Variants in RXFP1 observed in about 807,000 individuals in gnomAD.
The protein encoded by RXFP1 is relaxin receptor 1.
RXFP1 carries 73 observed loss-of-function variants against 89.8 expected under a neutral mutation model. That is an observed-to-expected ratio of 0.81 (90% CI 0.67 to 0.99). The LOEUF is 0.99. RXFP1 is among the 50% of genes least tolerant of loss of function. The pLI is 0.00. For missense variants in RXFP1, 793 were observed against 895.5 expected, an observed-to-expected ratio of 0.89 and a Z score of 1.46; for synonymous variants, 277 against 305.5, an observed-to-expected ratio of 0.91 and a Z score of 0.97.
At chr4:158,619,357 T>C (rs896093120) in intron 9 of RXFP1, among the ~76,000 whole-genome samples, 11 of 152,180 alleles carry the variant, frequency 7.2e-5, no homozygotes, top group African/African-American at 2.4e-4. Flanking sequence ...AGTCATAAGG[T>C]AGCCAAATAA....
rs143426289 is a variant in RXFP1 at position 158,583,422 on chromosome 4, A to C, written c.188-9979A>C. On this transcript the variant is annotated intron_variant, in intron 2 of 17. Coordinates refer to ENST00000307765, the MANE Select transcript of RXFP1 (RefSeq NM_021634.4). ...AAAGTTGGTGGTTTGTCTTGTTTTC[A>C]AGTTAAAAACACAGAAGGATACACA... Among the ~76,000 whole-genome samples the C allele has an allele frequency of 5.9e-5, 9 of 152,346 alleles. No homozygotes were observed. In the East Asian group the frequency reaches 1.7e-3, roughly 29 times the overall value.
chr4:158,550,816 T>C (rs1749918430), intron 1 of RXFP1, among the ~76,000 whole-genome samples: 1 of 152,184 alleles, frequency 6.6e-6, no homozygotes, highest in African/African-American at 2.4e-5. Context: ...ACTTACTGGT[T>C]CCATGATATC....
intron 4 of RXFP1, 137 bp downstream of exon 4, chr4:158,599,568 T>G: frequency 1.5e-6 from 1 of 660,856 alleles, no homozygotes; most frequent in Non-Finnish European, 2.4e-6. Flanking sequence ...GGTATAATAA[T>G]TACTGATATT....
Position 158,590,449 on chromosome 4 carries a change from C to T in RXFP1, c.188-2952C>T, listed in dbSNP as rs1759216306. Among the ~76,000 whole-genome samples, 4 of 152,180 alleles carry T rather than the reference C, an allele frequency of 2.6e-5. 1 individual carries two copies. The South Asian group carries it at 8.3e-4, about 32-fold the overall frequency. On this transcript the variant is annotated intron_variant, in intron 2 of 17. Coordinates refer to ENST00000307765, the MANE Select transcript of RXFP1 (RefSeq NM_021634.4). ...TGTGGGGATTCCAAGCATGAGCCAC[C>T]GTGCCCAGCTGTTTCCTTTCTTTAA...
chr4:158,612,260 A>C, intron 7 of RXFP1, 31 bp from the exon 8 acceptor site: 2 of 1,604,946 alleles, frequency 1.2e-6, no homozygotes, highest in South Asian at 1.1e-5. Flanking sequence ...GAGATATATA[A>C]ATGAATTAAT....
rs753849941 is a variant in RXFP1, at chr4:158,626,821, G to T, written c.757G>T (p.Asp253Tyr). ...CQHMPRLHWL[D>Y]LEGNHIHNLR... ...TATCGTTTTATTTTTATGTTCCAGG[G>T]ACCTTGAAGGCAACCATATCCATAA... Residue 253 changes from aspartate to tyrosine, a missense_variant and splice_region_variant, in exon 10 of 18, where the codon GAC (aspartate) becomes TAC (tyrosine). Transcript: ENST00000307765. 1.3e-6 allele frequency: 2 copies of T among 1,552,460 alleles called. No homozygotes were observed. The highest frequency in any genetic ancestry group is 1.8e-6 in the Non-Finnish European group (2 of 1,139,592).
At chr4:158,554,732 A>G (rs1750901161) in intron 1 of RXFP1, among the ~76,000 whole-genome samples, 1 of 152,010 alleles carries the variant, frequency 6.6e-6, no homozygotes, top group Non-Finnish European at 1.5e-5. Flanking sequence ...AAAAAAAAAT[A>G]GGTGTATTGA....
At chr4:158,568,803 C>T (rs567918072) in intron 1 of RXFP1, among the ~76,000 whole-genome samples, 3 of 152,232 alleles carry the variant, frequency 2.0e-5, no homozygotes, top group Admixed American at 6.5e-5. Flanking sequence ...ATGTTAATTG[C>T]CCTGTTATTA....
chr4:158,577,569 A>G (rs982170553), intron 2 of RXFP1, among the ~76,000 whole-genome samples: 4 of 152,188 alleles, frequency 2.6e-5, no homozygotes, highest in African/African-American at 7.2e-5. Flanking sequence ...TTTTAATGAA[A>G]GAGTTTTTTC....
chr4:158,598,053 A>G (rs1468243064), intron 3 of RXFP1, among the ~76,000 whole-genome samples: 1 of 152,130 alleles, frequency 6.6e-6, no homozygotes, highest in Non-Finnish European at 1.5e-5. Context: ...ATGTCACCCC[A>G]TATCTGAGCC....
intron 12 of RXFP1, among the ~76,000 whole-genome samples, chr4:158,636,348 G>GAGATTAT (rs1033186424): frequency 3.3e-5 from 5 of 152,066 alleles, no homozygotes; most frequent in Non-Finnish European, 7.4e-5. Context: ...TTGACTAAAT[G>GAGATTAT]AGATTATTTT....
chr4:158,535,506 G>A (rs1745081042), intron 1 of RXFP1, among the ~76,000 whole-genome samples: 1 of 152,126 alleles, frequency 6.6e-6, no homozygotes, highest in East Asian at 1.9e-4. Context: ...TTTTCACAAG[G>A]AAGTAACTCA....
intron 8 of RXFP1, among the ~76,000 whole-genome samples, chr4:158,616,671 T>C (rs943007844): frequency 2.0e-5 from 3 of 149,550 alleles, no homozygotes; most frequent in African/African-American, 4.9e-5. Flanking sequence ...TAATTAAATA[T>C]AGTTAGATTA....
At chr4:158,539,835 A>C (rs897511246) in intron 1 of RXFP1, among the ~76,000 whole-genome samples, 4 of 152,180 alleles carry the variant, frequency 2.6e-5, no homozygotes, top group Admixed American at 1.3e-4. Flanking sequence ...ATGCCTTTGA[A>C]ATTGTCCTTT....
chr4:158,536,069 A>C (rs1745212297), intron 1 of RXFP1, among the ~76,000 whole-genome samples: 2 of 152,256 alleles, frequency 1.3e-5, no homozygotes, highest in African/African-American at 4.8e-5. Flanking sequence ...CTGGAAGTAC[A>C]TACAATCTGT....
At chr4:158,623,444 G>A (rs1382958067) in intron 9 of RXFP1, among the ~76,000 whole-genome samples, 1 of 137,866 alleles carries the variant, frequency 7.3e-6, no homozygotes, top group Non-Finnish European at 1.5e-5. Flanking sequence ...AGAAGTTGCA[G>A]TGAGCCGAGA....
chr4:158,570,835 T>A (rs943979496), intron 1 of RXFP1, among the ~76,000 whole-genome samples: 1 of 152,162 alleles, frequency 6.6e-6, no homozygotes, highest in African/African-American at 2.4e-5. Flanking sequence ...GATACTTCTC[T>A]ACCTCATCAA....
chr4:158,637,781 T>G (rs1769488876), intron 12 of RXFP1, among the ~76,000 whole-genome samples: 1 of 152,226 alleles, frequency 6.6e-6, no homozygotes, highest in Non-Finnish European at 1.5e-5. Flanking sequence ...CCTATATTTT[T>G]GGGGCAATAT....
chr4:158,553,199 A>G (rs1335288613), intron 1 of RXFP1, among the ~76,000 whole-genome samples: 1 of 152,226 alleles, frequency 6.6e-6, no homozygotes, highest in Non-Finnish European at 1.5e-5. Context: ...TTAAAAAATA[A>G]CAATATCAGA....
Sources: gnomAD v4.1 joint callset for allele counts (sites outside exome capture counted in the v4.1 genomes callset) on GRCh38, gnomAD v4.1.1 for gene constraint, MANE v1.5 for transcripts, NCBI Gene and HGNC (gene_info 2026-07-23, HGNC 2026-07-21) for gene names.